The following CFAP92 variants were observed in gnomAD, a reference collection of about 807,000 sequenced individuals.
CFAP92 encodes the protein uncharacterized protein CFAP92.
A neutral mutation model predicts 106.3 loss-of-function variants in CFAP92; 86 were observed. The ratio of observed to expected loss-of-function variants is 0.81; its 90% CI spans 0.68 to 0.97. CFAP92 has a LOEUF of 0.97. Ranked by LOEUF, CFAP92 falls within the 50% of genes least tolerant of loss-of-function variation. CFAP92 has a pLI of 0.00. For synonymous variants in CFAP92, 477 were observed against 506.4 expected (o/e 0.94, Z 0.78); for missense variants, 1,204 against 1,283.8 (o/e 0.94, Z 0.95).
chr3:128,989,360 GA>G (rs1450723387), intron 2 of CFAP92, among the ~76,000 whole-genome samples: 2 of 134,202 alleles, frequency 1.5e-5, no homozygotes, highest in Non-Finnish European at 1.6e-5. Context: ...ACAAGGTTGT[GA>G]AGAACGAAGG....
chr3:128,977,802 T>C (rs1943251429), intron 5 of CFAP92, among the ~76,000 whole-genome samples: 1 of 152,168 alleles, frequency 6.6e-6, no homozygotes, highest in Admixed American at 6.5e-5. Context: ...GAGGTTGCAG[T>C]GAGCCAAGAT....
the CFAP92 span, among the ~76,000 whole-genome samples, chr3:129,013,304 A>T: frequency 1.3e-5 from 2 of 152,214 alleles, no homozygotes; most frequent in South Asian, 4.1e-4. Context: ...GTTCTATATT[A>T]TATTGGATTT....
intron 10 of CFAP92, among the ~76,000 whole-genome samples, chr3:128,939,328 G>A (rs1482015854): frequency 3.3e-5 from 5 of 151,856 alleles, no homozygotes; most frequent in African/African-American, 1.2e-4. Flanking sequence ...TAGTAGAGAC[G>A]GGTTTTCACC....
intron 12 of CFAP92, among the ~76,000 whole-genome samples, chr3:128,931,527 G>GTATATATA (rs57453990): frequency 8.5e-6 from 1 of 117,502 alleles, no homozygotes; most frequent in Non-Finnish European, 1.8e-5. Flanking sequence ...GTATGTATGT[G>GTATATATA]TATATATATA....
At chr3:129,026,386 G>A in the CFAP92 span, among the ~76,000 whole-genome samples, 2 of 151,920 alleles carry the variant, frequency 1.3e-5, no homozygotes, top group Non-Finnish European at 2.9e-5. Flanking sequence ...ATCTCATAGT[G>A]GAAAGATTTC....
At chr3:128,935,909 G>T (rs1938961056) in intron 10 of CFAP92, among the ~76,000 whole-genome samples, 1 of 151,858 alleles carries the variant, frequency 6.6e-6, no homozygotes, top group African/African-American at 2.4e-5. Flanking sequence ...TAAAAGGATA[G>T]AAAAAAAACA....
intron 4 of CFAP92, among the ~76,000 whole-genome samples, chr3:128,984,124 G>A (rs1943701274): frequency 6.6e-6 from 1 of 152,152 alleles, no homozygotes; most frequent in Non-Finnish European, 1.5e-5. Flanking sequence ...ATGACTGGGG[G>A]GCTTTGAAAA....
the CFAP92 span, among the ~76,000 whole-genome samples, chr3:129,019,061 A>C: frequency 6.6e-6 from 1 of 152,198 alleles, no homozygotes; most frequent in African/African-American, 2.4e-5. Context: ...GAACTGTCCC[A>C]GGAGAGGGGT....
upstream of CFAP92, among the ~76,000 whole-genome samples, chr3:128,997,184 G>T (rs1029057800): frequency 2.6e-5 from 4 of 152,162 alleles, no homozygotes; most frequent in African/African-American, 7.2e-5. Context: ...CCGGGTGGAG[G>T]GTTCCCAAGC....
intron 4 of CFAP92, among the ~76,000 whole-genome samples, chr3:128,984,398 T>C (rs909644006): frequency 1.3e-5 from 2 of 152,144 alleles, no homozygotes; most frequent in East Asian, 3.9e-4. Context: ...CAGAAGAACA[T>C]GGAAGGAGCT....
chr3:128,993,397 G>A, intron 1 of CFAP92, 61 bp from the exon 2 acceptor site: 1 of 1,495,016 alleles, frequency 6.7e-7, no homozygotes, highest in South Asian at 1.3e-5. Flanking sequence ...CAGGAGGTAA[G>A]CCCGGCCTCC....
At chr3:129,009,326 A>G in the CFAP92 span, among the ~76,000 whole-genome samples, 2 of 152,138 alleles carry the variant, frequency 1.3e-5, no homozygotes, top group Admixed American at 6.5e-5. Flanking sequence ...GGATTCAGGT[A>G]CTCACGTAGT....
At chr3:128,958,447 G>T (rs1263269256) in intron 9 of CFAP92, among the ~76,000 whole-genome samples, 2 of 152,166 alleles carry the variant, frequency 1.3e-5, no homozygotes, top group Non-Finnish European at 2.9e-5. Context: ...TGCTGATTTT[G>T]ATATTGTGCT....
rs1936133396 is a variant in CFAP92, at chr3:128,910,335, TGA to T, written c.3281-4_3281-3del. The T allele has an allele frequency of 6.8e-6, 10 of 1,474,752 alleles. No individual in the cohort carries two copies. The highest frequency in any genetic ancestry group is 1.4e-5 in the South Asian group (1 of 73,588). 91.4% of individuals were successfully genotyped at this position (1,474,752 alleles called of 1,614,324 possible). A position where few individuals can be genotyped will look rare whatever the true frequency, so the allele number is the denominator to read the frequency against. On this transcript the variant is annotated splice_region_variant and splice_polypyrimidine_tract_variant and intron_variant, in intron 15 of 15. Coordinates refer to ENST00000645291, the MANE Select transcript of CFAP92 (RefSeq NM_001394090.1). ...GGCTGTTCCCTTTCTTCTTCCTGAC[TGA>T]GAGAAGAGGGGGTGAGTGACAGGGG...
Position 128,917,791 on chromosome 3 carries a change from C to A in CFAP92, c.2752-1520G>T, listed in dbSNP as rs142292348. On this transcript the variant is annotated intron_variant, in intron 12 of 15. Coordinates refer to ENST00000645291, the MANE Select transcript of CFAP92 (RefSeq NM_001394090.1). ...AACTGGAATATCCACTTGAGATATG[C>A]TTTCAGAAAGCAGTCCTGTATAAAA... 4.8e-3 allele frequency among the ~76,000 whole-genome samples: 738 copies of A among 152,234 alleles called. 8 individuals carry two copies. The highest frequency in any genetic ancestry group is 0.017 in the African/African-American group (703 of 41,536).
chr3:128,952,136 CTT>C (rs35117405), intron 9 of CFAP92, among the ~76,000 whole-genome samples: 14 of 139,276 alleles, frequency 1.0e-4, no homozygotes, highest in African/African-American at 1.1e-4. Context: ...TCTTCTTCTT[CTT>C]TTTTTTTTTT....
Position 128,991,927 on chromosome 3 carries a change from G to A in CFAP92, c.262+1116C>T, listed in dbSNP as rs73865526. The A allele has an allele frequency of 9.0e-3, 8,787 of 977,612 alleles. 382 individuals are homozygous for A. In the African/African-American group the frequency reaches 0.11, roughly 12 times the overall value. The allele number at this position is 977,612 out of a possible 1,614,324, so 60.6% of individuals were successfully genotyped here. Reference sequence around the variant, plus strand: ...TCCCCTCATATTGGGCTGGAACCATGTGACTTGGTTTGGCCAATAAAATGC... The same window carrying A: ...TCCCCTCATATTGGGCTGGAACCATATGACTTGGTTTGGCCAATAAAATGC... On this transcript the variant is annotated intron_variant, in intron 2 of 15. Transcript: ENST00000645291.
intron 4 of CFAP92, among the ~76,000 whole-genome samples, chr3:128,980,402 G>A (rs766305641): frequency 1.1e-4 from 17 of 149,432 alleles, no homozygotes; most frequent in Non-Finnish European, 1.9e-4. Context: ...ACACTCATCT[G>A]AGCCTGTGGG....
intron 1 of CFAP92, among the ~76,000 whole-genome samples, chr3:129,000,278 G>A (rs906934248): frequency 3.9e-5 from 6 of 152,172 alleles, no homozygotes; most frequent in African/African-American, 1.4e-4. Flanking sequence ...AAAATGCTTG[G>A]GGAGAAGCCT....
Sources: gnomAD v4.1 joint callset for allele counts (sites outside exome capture counted in the v4.1 genomes callset) on GRCh38, gnomAD v4.1.1 for gene constraint, MANE v1.5 for transcripts, NCBI Gene and HGNC (gene_info 2026-07-23, HGNC 2026-07-21) for gene names.